Variants in COTL1 observed in about 807,000 individuals in gnomAD.
COTL1 encodes the protein coactosin-like protein.
COTL1 carries 15 observed loss-of-function variants against 16.5 expected under a neutral mutation model. The ratio of observed to expected loss-of-function variants is 0.91; its 90% CI spans 0.61 to 1.40. COTL1 has a LOEUF of 1.40. COTL1 is among the 40% of genes most tolerant of loss of function. COTL1 has a pLI of 0.00. For synonymous variants in COTL1, 112 were observed against 85.3 expected (o/e 1.31, Z -1.73); for missense variants, 220 against 201.5 (o/e 1.09, Z -0.56).
At chr16:84,573,802 G>A (rs1904389574) in intron 3 of COTL1, among the ~76,000 whole-genome samples, 1 of 150,310 alleles carries the variant, frequency 6.7e-6, no homozygotes, top group Non-Finnish European at 1.5e-5. Context: ...CACTCAACGA[G>A]TAGTATTCCG....
At chr16:84,569,207 G>C (rs1904311498) in intron 3 of COTL1, 1 of 152,272 alleles carries the variant, frequency 6.6e-6, no homozygotes, top group African/African-American at 2.4e-5. Context: ...TGCAATCCCA[G>C]CTACTGGGGA....
rs1303087058 is a variant in COTL1, at chr16:84,617,569, T to C, written c.92A>G (p.Tyr31Cys). 7.7e-6 allele frequency: 12 copies of C among 1,556,432 alleles called. No individual in the cohort carries two copies. Among genetic ancestry groups the C allele is most frequent in the Non-Finnish European group, 1.0e-5 (12 of 1,149,456 alleles). The stretch of plus-strand genomic sequence containing the variant: ...GCCGGGGACGATGGTGGAGCCGTCA[T>C]ATTTAAAAGTCACCCTTTGGGTTGG... ...GSAVIWVTFK[Y>C]DGSTIVPGEQ... is the part of the protein sequence containing the mutation. The change falls in exon 2 of 4, where the codon TAT becomes TGT. Residue 31 changes from tyrosine (Y) to cysteine (C), a missense_variant. Physicochemically the swap from Tyr to Cys is radical, Grantham distance 194 (BLOSUM62 -2). Transcript: ENST00000262428.
At chr16:84,611,226 C>G (rs957396875) in intron 2 of COTL1, among the ~76,000 whole-genome samples, 2 of 152,206 alleles carry the variant, frequency 1.3e-5, no homozygotes, top group African/African-American at 2.4e-5. Context: ...AAAATCTGCA[C>G]CAACAGAAAA....
chr16:84,613,680 G>A (rs1355382527), intron 2 of COTL1, among the ~76,000 whole-genome samples: 1 of 152,234 alleles, frequency 6.6e-6, no homozygotes, highest in Non-Finnish European at 1.5e-5. Context: ...TACCAGACAA[G>A]GAAGATTAAG....
At chr16:84,591,245 G>A (rs943180605) in intron 2 of COTL1, among the ~76,000 whole-genome samples, 5 of 149,806 alleles carry the variant, frequency 3.3e-5, no homozygotes, top group African/African-American at 7.4e-5. Flanking sequence ...GTGCAGTGGC[G>A]CGATCTCGAC....
intron 2 of COTL1, among the ~76,000 whole-genome samples, chr16:84,614,098 G>A (rs1042940538): frequency 6.6e-6 from 1 of 152,254 alleles, no homozygotes; most frequent in Admixed American, 6.5e-5. Flanking sequence ...AGTCTTTGCT[G>A]CTGCTAGGAC....
At chr16:84,594,361 T>C (rs1443371685) in intron 2 of COTL1, 2 of 152,316 alleles carry the variant, frequency 1.3e-5, no homozygotes, top group African/African-American at 4.8e-5. Context: ...ACGAGACTGG[T>C]GCAAGAGATG....
At chr16:84,583,761 G>C (rs1474961855) in intron 3 of COTL1, among the ~76,000 whole-genome samples, 1 of 152,082 alleles carries the variant, frequency 6.6e-6, no homozygotes, top group Non-Finnish European at 1.5e-5. Flanking sequence ...AGCCTGGTTA[G>C]TCCTGGGGCT....
Position 84,598,663 on chromosome 16 carries a change from C to CG in COTL1, c.161-8402_161-8401insC, listed in dbSNP as rs907643243. On this transcript the variant is annotated intron_variant, in intron 2 of 3. Coordinates refer to ENST00000262428, the MANE Select transcript of COTL1 (RefSeq NM_021149.5). Reference sequence around the variant, plus strand: ...CCTCCCCTTCTCCCCCCCAACCCCCCCCACCAACCCCGACCTCTCTGGAAG... The same window carrying CG: ...CCTCCCCTTCTCCCCCCCAACCCCCCGCCACCAACCCCGACCTCTCTGGAAG... Among the ~76,000 whole-genome samples, 35 of 151,212 alleles carry CG rather than the reference C, an allele frequency of 2.3e-4. 1 individual carries two copies. The highest frequency in any genetic ancestry group is 3.0e-4 in the Non-Finnish European group (20 of 67,656).
At chr16:84,615,050 C>T (rs1396503120) in intron 2 of COTL1, among the ~76,000 whole-genome samples, 1 of 152,206 alleles carries the variant, frequency 6.6e-6, no homozygotes, top group Non-Finnish European at 1.5e-5. Flanking sequence ...AGATAAGGCA[C>T]GTCGAGCGTG....
intron 2 of COTL1, chr16:84,595,708 T>C (rs2914838): frequency 0.22 from 33,579 of 152,154 alleles, 4,095 homozygotes; most frequent in Non-Finnish European, 0.29. Context: ...CTGTCCTGTA[T>C]ATATTAGTGT....
chr16:84,569,998 C>T (rs1469035161), intron 3 of COTL1, among the ~76,000 whole-genome samples: 1 of 152,202 alleles, frequency 6.6e-6, no homozygotes, highest in African/African-American at 2.4e-5. Context: ...AGTTTGAGAG[C>T]CATGGATGGT....
At chr16:84,589,610 C>A (rs950383750) in intron 3 of COTL1, among the ~76,000 whole-genome samples, 1 of 152,116 alleles carries the variant, frequency 6.6e-6, no homozygotes, top group African/African-American at 2.4e-5. Flanking sequence ...GACCGTGTTA[C>A]CCGTACCCCA....
At chr16:84,614,718 G>A (rs536316321) in intron 2 of COTL1, among the ~76,000 whole-genome samples, 2 of 152,284 alleles carry the variant, frequency 1.3e-5, no homozygotes, top group African/African-American at 2.4e-5. Flanking sequence ...CCGAACCAGA[G>A]TGGAACCTTT....
chr16:84,595,567 C>G (rs1024583873), intron 2 of COTL1: 4 of 152,224 alleles, frequency 2.6e-5, no homozygotes, highest in Admixed American at 6.5e-5. Context: ...CAAATTGGGT[C>G]CACAAACCCC....
chr16:84,597,885 A>G (rs112273672), intron 2 of COTL1, among the ~76,000 whole-genome samples: 220 of 152,318 alleles, frequency 1.4e-3, no homozygotes, highest in African/African-American at 5.0e-3. Context: ...AAGAGAGGGA[A>G]CAGCCATCAT....
intron 3 of COTL1, among the ~76,000 whole-genome samples, chr16:84,581,058 C>T (rs1011383121): frequency 2.0e-5 from 3 of 151,730 alleles, no homozygotes; most frequent in African/African-American, 4.9e-5. Flanking sequence ...AGGAGAATCG[C>T]CTGAACCCAG....
At chr16:84,569,668 C>T (rs1904314448) in intron 3 of COTL1, among the ~76,000 whole-genome samples, 1 of 152,212 alleles carries the variant, frequency 6.6e-6, no homozygotes, top group South Asian at 2.1e-4. Context: ...AATGACAGAA[C>T]ACCCTTGAGA....
intron 2 of COTL1, among the ~76,000 whole-genome samples, chr16:84,605,925 C>T (rs567591597): frequency 6.6e-6 from 1 of 152,336 alleles, no homozygotes; most frequent in East Asian, 1.9e-4. Context: ...CCACTGTTAA[C>T]CATTGTTGTT....
Sources: gnomAD v4.1 joint callset for allele counts (sites outside exome capture counted in the v4.1 genomes callset) on GRCh38, gnomAD v4.1.1 for gene constraint, MANE v1.5 for transcripts, NCBI Gene and HGNC (gene_info 2026-07-23, HGNC 2026-07-21) for gene names.